Variants in SLIT2 observed in about 807,000 individuals in gnomAD.
SLIT2 encodes slit guidance ligand 2, also known as slit homolog 2 protein.
Under a neutral mutation model 185.7 loss-of-function variants are expected in SLIT2, and 41 were observed. The ratio of observed to expected loss-of-function variants is 0.22; its 90% CI spans 0.17 to 0.29. The LOEUF is 0.29. SLIT2 is among the 10% of genes least tolerant of loss of function. The probability of loss-of-function intolerance (pLI) is 1.00; values close to 1 mark genes in which losing one functional copy is unlikely to be tolerated. For synonymous variants in SLIT2, 693 were observed against 680.2 expected, an observed-to-expected ratio of 1.02 and a Z score of -0.29; for missense variants, 1,571 against 1,909.0, an observed-to-expected ratio of 0.82 and a Z score of 3.30.
chr4:20,490,107 A>C (rs1717644173), intron 8 of SLIT2, among the ~76,000 whole-genome samples: 1 of 151,508 alleles, frequency 6.6e-6, no homozygotes, highest in South Asian at 2.1e-4. Flanking sequence ...ATAAATCAAT[A>C]AAATAAATAA....
At chr4:20,463,597 G>A (rs1402657886) in intron 4 of SLIT2, among the ~76,000 whole-genome samples, 3 of 147,976 alleles carry the variant, frequency 2.0e-5, no homozygotes, top group Non-Finnish European at 3.0e-5. Flanking sequence ...TTTCAAGGCC[G>A]GGCACGGTGG....
intron 4 of SLIT2, among the ~76,000 whole-genome samples, chr4:20,324,207 G>A (rs1719346348): frequency 2.0e-5 from 3 of 152,094 alleles, no homozygotes; most frequent in Admixed American, 6.6e-5. Context: ...AGTCTTTGGA[G>A]CCTGGGCATG....
At chr4:20,313,726 A>G (rs1718327182) in intron 4 of SLIT2, among the ~76,000 whole-genome samples, 1 of 152,084 alleles carries the variant, frequency 6.6e-6, no homozygotes. Context: ...CTAGATTCTC[A>G]TAAGGAGTGT....
intron 4 of SLIT2, among the ~76,000 whole-genome samples, chr4:20,305,272 A>C (rs1717431542): frequency 6.6e-6 from 1 of 152,160 alleles, no homozygotes; most frequent in South Asian, 2.1e-4. Context: ...ACAGACATAT[A>C]TACACCAAAA....
At chr4:20,482,969 C>T (rs1345428609) in intron 6 of SLIT2, among the ~76,000 whole-genome samples, 1 of 151,638 alleles carries the variant, frequency 6.6e-6, no homozygotes, top group Non-Finnish European at 1.5e-5. Flanking sequence ...AAAAGTTTAC[C>T]TATTACAAAT....
intron 4 of SLIT2, among the ~76,000 whole-genome samples, chr4:20,353,164 G>T (rs1333388758): frequency 6.6e-6 from 1 of 152,152 alleles, no homozygotes; most frequent in African/African-American, 2.4e-5. Context: ...TTCAGATTGT[G>T]TGTGCATTCA....
At position 20,391,245 on chromosome 4, in the gene SLIT2, G is replaced by C. The variant is rs139115813; in HGVS notation, c.396-76507G>C. On this transcript the variant is annotated intron_variant, in intron 4 of 36. Transcript: ENST00000504154. The stretch of plus-strand genomic sequence containing the variant: ...GGTGATAACCTGATAGTTTTTAAAA[G>C]TGCATCAGCCACAATGCACATAACC... Among the ~76,000 whole-genome samples the C allele has an allele frequency of 4.1e-3, 627 of 152,080 alleles. 4 individuals carry two copies. Among genetic ancestry groups the C allele is most frequent in the African/African-American group, 0.014 (600 of 41,504 alleles).
At chr4:20,549,371 T>C (rs1723533044) in intron 24 of SLIT2, among the ~76,000 whole-genome samples, 1 of 152,206 alleles carries the variant, frequency 6.6e-6, no homozygotes, top group Admixed American at 6.6e-5. Context: ...TATTTGATTA[T>C]ATGTAACATT....
At chr4:20,360,627 G>A (rs1035150691) in intron 4 of SLIT2, among the ~76,000 whole-genome samples, 7 of 151,836 alleles carry the variant, frequency 4.6e-5, no homozygotes, top group Non-Finnish European at 1.0e-4. Flanking sequence ...AATGGTATAC[G>A]TTAAAATTGT....
intron 4 of SLIT2, among the ~76,000 whole-genome samples, chr4:20,451,533 C>T (rs1270620419): frequency 2.0e-5 from 3 of 152,162 alleles, no homozygotes; most frequent in Non-Finnish European, 4.4e-5. Context: ...CCTACTAATG[C>T]ACACATAACA....
chr4:20,560,714 T>C lies in SLIT2; in HGVS notation c.2726-6548T>C, dbSNP rs1276086525. Among the ~76,000 whole-genome samples, 9 of 152,028 alleles carry C rather than the reference T, an allele frequency of 5.9e-5. No individual in the cohort carries two copies. In the East Asian group the frequency reaches 1.7e-3, roughly 29 times the overall value. On this transcript the variant is annotated intron_variant, in intron 26 of 36. Coordinates refer to ENST00000504154, the MANE Select transcript of SLIT2 (RefSeq NM_004787.4). ...AAATTATTTTTTTATTTGAAAGACA[T>C]TTATTAAATAATTACATATGCTAAT...
chr4:20,490,915 C>A, intron 8 of SLIT2: 1 of 876,036 alleles, frequency 1.1e-6, no homozygotes, highest in Non-Finnish European at 1.8e-6. Context: ...CTTCCTGGCA[C>A]GTCACCACCA....
At chr4:20,546,798 T>C (rs1320243345) in intron 22 of SLIT2, among the ~76,000 whole-genome samples, 1 of 152,082 alleles carries the variant, frequency 6.6e-6, no homozygotes, top group African/African-American at 2.4e-5. Context: ...TAAAAATTGA[T>C]ATAATCTTTT....
rs78215911 is a variant in SLIT2 at position 20,488,865 on chromosome 4, C to T, written c.658C>T (p.Leu220Phe). The change falls in exon 8 of 37, where the codon CTC becomes TTC. Residue 220 changes from leucine (L) to phenylalanine (F), a missense_variant. By Grantham distance (22) the Leu-to-Phe change is conservative. Around this residue, in one of 3 missense-constraint regions of SLIT2, gnomAD observed 1,202 missense variants for 1,416.4 expected, o/e 0.85. Coordinates refer to ENST00000504154, the MANE Select transcript of SLIT2 (RefSeq NM_004787.4). ...NLYCDCHLAW[L>F]SDWLRQRPRV... ...GTATTGTGACTGCCACCTGGCCTGG[C>T]TCTCCGACTGGCTTCGCCAAAGGCC... 1.2e-4 allele frequency: 188 copies of T among 1,611,434 alleles called. No homozygotes were observed. In the African/African-American group the frequency reaches 2.4e-3, roughly 20 times the overall value.
chr4:20,585,094 C>G (rs1726945861), intron 29 of SLIT2, among the ~76,000 whole-genome samples: 1 of 151,960 alleles, frequency 6.6e-6, no homozygotes, highest in Admixed American at 6.6e-5. Context: ...AAAAAACAAC[C>G]TCTATGTCAA....
Position 20,484,813 on chromosome 4 carries a change from T to A in SLIT2, c.540-1387T>A, listed in dbSNP as rs1424228148. ...ACAGCCCTCCCTTACAGCAGGTCAG[T>A]AGTCCATTGGAGCTGGAGATTATCT... On this transcript the variant is annotated intron_variant, in intron 6 of 36. Transcript: ENST00000504154. The surrounding 1 kb of genome is among the most constrained non-coding windows in gnomAD (Gnocchi z 4.3). Among the ~76,000 whole-genome samples, 1 of 152,160 alleles carries A rather than the reference T, an allele frequency of 6.6e-6. No homozygotes were observed. The highest frequency in any genetic ancestry group is 2.4e-5 in the African/African-American group (1 of 41,442).
intron 4 of SLIT2, among the ~76,000 whole-genome samples, chr4:20,460,719 A>G (rs559677389): frequency 1.8e-4 from 28 of 152,290 alleles, no homozygotes; most frequent in Admixed American, 1.5e-3. Context: ...CTCTACTTCT[A>G]TGAGATCAAC....
intron 4 of SLIT2, among the ~76,000 whole-genome samples, chr4:20,381,007 A>G (rs1314540588): frequency 6.6e-6 from 1 of 152,180 alleles, no homozygotes; most frequent in African/African-American, 2.4e-5. Flanking sequence ...TAATCCCAGC[A>G]CTTTGGGAGG....
At chr4:20,557,231 A>G (rs778486195) in intron 26 of SLIT2, among the ~76,000 whole-genome samples, 2 of 152,192 alleles carry the variant, frequency 1.3e-5, no homozygotes, top group African/African-American at 4.8e-5. Flanking sequence ...CAGATTTTCA[A>G]TGTAGATGAA....
Sources: gnomAD v4.1 joint callset for allele counts (sites outside exome capture counted in the v4.1 genomes callset) on GRCh38, gnomAD v4.1.1 for gene constraint, gnomAD v4.1.1 regional missense constraint, Gnocchi (gnomAD v3.1) non-coding constraint, MANE v1.5 for transcripts, NCBI Gene and HGNC (gene_info 2026-07-23, HGNC 2026-07-21) for gene names.